The following SERINC5 variants were observed in gnomAD, a reference collection of about 807,000 sequenced individuals.
SERINC5 encodes the protein chromosome 5 open reading frame 12.
In SERINC5, 41 loss-of-function variants were observed where a neutral mutation model predicts 63.1. The ratio of observed to expected loss-of-function variants is 0.65; its 90% CI spans 0.51 to 0.84. The LOEUF is 0.84. SERINC5 is among the 40% of genes least tolerant of loss of function. The pLI is 0.00. For missense variants in SERINC5, 523 were observed against 573.0 expected, an observed-to-expected ratio of 0.91 and a Z score of 0.89; for synonymous variants, 222 against 215.2, an observed-to-expected ratio of 1.03 and a Z score of -0.28.
intron 11 of SERINC5, among the ~76,000 whole-genome samples, chr5:80,132,585 C>T (rs1263507337): frequency 6.7e-6 from 1 of 148,954 alleles, no homozygotes; most frequent in Non-Finnish European, 1.5e-5. Context: ...TACCTATATG[C>T]ATTTGCCTTA....
At chr5:80,145,050 A>T (rs929982030) in intron 11 of SERINC5, among the ~76,000 whole-genome samples, 2 of 152,108 alleles carry the variant, frequency 1.3e-5, no homozygotes, top group African/African-American at 4.8e-5. Context: ...TTATGTTAAA[A>T]AAAAAATTAG....
intron 11 of SERINC5, among the ~76,000 whole-genome samples, chr5:80,127,072 T>C (rs191966307): frequency 6.6e-6 from 1 of 152,156 alleles, no homozygotes; most frequent in African/African-American, 2.4e-5. Context: ...AAAAACTAAG[T>C]TGTAAGAATT....
At chr5:80,162,476 T>A (rs1747006725) in intron 7 of SERINC5, among the ~76,000 whole-genome samples, 1 of 152,120 alleles carries the variant, frequency 6.6e-6, no homozygotes, top group Admixed American at 6.6e-5. Flanking sequence ...TGGGCTCAGG[T>A]GATCCTCCAA....
chr5:80,152,770 A>T (rs1746268653), intron 8 of SERINC5, among the ~76,000 whole-genome samples: 1 of 150,120 alleles, frequency 6.7e-6, no homozygotes, highest in Admixed American at 6.6e-5. Flanking sequence ...GCAAAACCCC[A>T]TCTATAGTAA....
rs143393428 is a variant in SERINC5, at chr5:80,163,870, T to C, written c.859+2513A>G. Among the ~76,000 whole-genome samples, 219 of 152,276 alleles carry C rather than the reference T, an allele frequency of 1.4e-3. 3 individuals are homozygous for C. Among genetic ancestry groups the C allele is most frequent in the African/African-American group, 5.0e-3 (206 of 41,560 alleles). On this transcript the variant is annotated intron_variant, in intron 7 of 11. Coordinates refer to ENST00000507668, the MANE Select transcript of SERINC5 (RefSeq NM_001174072.3). ...TGTCTGGTTTTGGTTTTCAGGGTGA[T>C]ATATCTGGCCTTGTATAATGAGTCA...
At position 80,182,426 on chromosome 5, in the gene SERINC5, A is replaced by G. The variant is rs577404919; in HGVS notation, c.196-4362T>C. 2.3e-3 allele frequency among the ~76,000 whole-genome samples: 344 copies of G among 151,578 alleles called. 3 individuals carry two copies. The highest frequency in any genetic ancestry group is 7.7e-3 in the African/African-American group (317 of 41,202). On this transcript the variant is annotated intron_variant, in intron 2 of 11. Coordinates refer to ENST00000507668, the MANE Select transcript of SERINC5 (RefSeq NM_001174072.3). ...CATTAGTAAAGTGTATCAGACGTTT[A>G]TTCACCATACATTTCTTCCCCTCAC...
chr5:80,182,180 T>C (rs1437493472), intron 2 of SERINC5, among the ~76,000 whole-genome samples: 4 of 152,134 alleles, frequency 2.6e-5, no homozygotes, highest in East Asian at 1.9e-4. Context: ...CTTTTGTAAC[T>C]GAAATAGCAT....
chr5:80,184,638 A>G (rs76565028), intron 2 of SERINC5, among the ~76,000 whole-genome samples: 5,648 of 152,258 alleles, frequency 0.037, 369 homozygotes, highest in African/African-American at 0.13. Flanking sequence ...AGTATGTGGT[A>G]AGTATTTTTG....
chr5:80,138,514 T>C (rs907195209), downstream of SERINC5, among the ~76,000 whole-genome samples: 1 of 151,934 alleles, frequency 6.6e-6, no homozygotes, highest in African/African-American at 2.4e-5. Context: ...GAGAATCGCT[T>C]GAGCCTGGGA....
chr5:80,210,568 AC>A (rs1355172979), intron 1 of SERINC5, among the ~76,000 whole-genome samples: 1 of 152,178 alleles, frequency 6.6e-6, no homozygotes, highest in Non-Finnish European at 1.5e-5. Context: ...TACCTTCATT[AC>A]CTAGAATTTC....
intron 2 of SERINC5, among the ~76,000 whole-genome samples, chr5:80,178,818 A>T (rs1748227388): frequency 6.6e-6 from 1 of 151,910 alleles, no homozygotes; most frequent in South Asian, 2.1e-4. Flanking sequence ...ATTGGTGGGT[A>T]GAGTATTTGT....
At chr5:80,199,121 A>G (rs1749675538) in intron 2 of SERINC5, among the ~76,000 whole-genome samples, 1 of 152,056 alleles carries the variant, frequency 6.6e-6, no homozygotes, top group Admixed American at 6.5e-5. Flanking sequence ...TGGCACTACA[A>G]TTCCTGCAAG....
chr5:80,208,155 A>C (rs189582928), intron 1 of SERINC5, among the ~76,000 whole-genome samples: 122 of 152,296 alleles, frequency 8.0e-4, no homozygotes, highest in Admixed American at 7.7e-3. Flanking sequence ...ATAAAAAACA[A>C]ATAAATATAG....
At chr5:80,238,008 G>T (rs1447485464) in intron 1 of SERINC5, among the ~76,000 whole-genome samples, 1 of 149,582 alleles carries the variant, frequency 6.7e-6, no homozygotes, top group African/African-American at 2.5e-5. Flanking sequence ...GGAGGCTGAG[G>T]TAGGAGACTC....
In SERINC5 at chr5:80,184,564, C is replaced by T. The variant is rs968676820; in HGVS notation, c.196-6500G>A. 7.2e-5 allele frequency among the ~76,000 whole-genome samples: 11 copies of T among 152,308 alleles called. No homozygotes were observed. The South Asian group carries it at 1.9e-3, about 26-fold the overall frequency. ...CATCAAAAACAGGTAAACAACCCCC[C>T]TGCTCCAAATCCTAATCAAGACCTC... On this transcript the variant is annotated intron_variant, in intron 2 of 11. Transcript: ENST00000507668.
chr5:80,125,749 G>A (rs939843472), intron 11 of SERINC5, among the ~76,000 whole-genome samples: 4 of 152,188 alleles, frequency 2.6e-5, no homozygotes, highest in African/African-American at 7.2e-5. Flanking sequence ...GGTGACCTAC[G>A]AGAGCAGCTT....
rs899131690 is a variant in SERINC5, at chr5:80,153,104, C to T, written c.987-2156G>A. Among the ~76,000 whole-genome samples, 4 of 152,300 alleles carry T rather than the reference C, an allele frequency of 2.6e-5. No individual in the cohort carries two copies. The South Asian group carries it at 6.2e-4, about 24-fold the overall frequency. On this transcript the variant is annotated intron_variant, in intron 8 of 11. Transcript: ENST00000507668. ...TTGATTTTACTTTTAAAAAGAACTA[C>T]ATTCAGAGCATCATTAATGCCATGT... is the stretch of plus-strand genomic sequence containing the variant.
intron 11 of SERINC5, among the ~76,000 whole-genome samples, chr5:80,122,847 C>G (rs1744602512): frequency 6.6e-6 from 1 of 152,220 alleles, no homozygotes; most frequent in Non-Finnish European, 1.5e-5. Context: ...AGACCTACAG[C>G]TGTAAGGAAC....
chr5:80,133,111 CTCT>C (rs1178992327), intron 11 of SERINC5, among the ~76,000 whole-genome samples: 1 of 152,158 alleles, frequency 6.6e-6, no homozygotes, highest in African/African-American at 2.4e-5. Flanking sequence ...CTACCTGCTC[CTCT>C]TCTTGCCATG....
Sources: allele counts gnomAD v4.1 joint callset (sites outside exome capture counted in the v4.1 genomes callset), GRCh38; gene constraint gnomAD v4.1.1; transcripts MANE v1.5; gene names NCBI Gene and HGNC (gene_info 2026-07-23, HGNC 2026-07-21).